The following PARD3 variants were observed in gnomAD, a reference collection of about 807,000 sequenced individuals.
PARD3 encodes par-3 family cell polarity regulator.
Under a neutral mutation model 155.4 loss-of-function variants are expected in PARD3, and 75 were observed. The ratio of observed to expected loss-of-function variants is 0.48; its 90% CI spans 0.40 to 0.58. The LOEUF (loss-of-function observed/expected upper bound fraction) is 0.58, where lower values mean the gene tolerates loss of function less well. Ranked by LOEUF, PARD3 falls within the 20% of genes least tolerant of loss-of-function variation. The pLI is 0.00. For missense variants in PARD3, 1,642 were observed against 1,721.7 expected (o/e 0.95, Z 0.82); for synonymous variants, 576 against 610.5 (o/e 0.94, Z 0.83).
intron 22 of PARD3, among the ~76,000 whole-genome samples, chr10:34,138,059 G>GC (rs1947995286): frequency 6.6e-6 from 1 of 152,172 alleles, no homozygotes; most frequent in Admixed American, 6.5e-5. Context: ...CATAGGCCCT[G>GC]CCCACAAGTG....
chr10:34,709,967 T>C (rs2094427137), intron 1 of PARD3, among the ~76,000 whole-genome samples: 1 of 151,424 alleles, frequency 6.6e-6, no homozygotes, highest in South Asian at 2.1e-4. Flanking sequence ...TCTCACACAC[T>C]GCGCCTGAGT....
At chr10:34,527,622 A>T (rs912232096) in intron 2 of PARD3, among the ~76,000 whole-genome samples, 8 of 152,234 alleles carry the variant, frequency 5.3e-5, no homozygotes, top group Non-Finnish European at 1.0e-4. Context: ...TGTTCACTTC[A>T]AGTTCTGAAT....
rs71033345 is a variant in PARD3 at position 34,741,174 on chromosome 10, A to ATTT, written c.121-44758_121-44756dup. Among the ~76,000 whole-genome samples, 399 of 114,300 alleles carry ATTT rather than the reference A, an allele frequency of 3.5e-3. 6 individuals carry two copies. Among genetic ancestry groups the ATTT allele is most frequent in the African/African-American group, 5.9e-3 (190 of 32,200 alleles). 75.0% of individuals were successfully genotyped at this position (114,300 alleles called of 152,430 possible). On this transcript the variant is annotated intron_variant, in intron 1 of 24. Transcript: ENST00000374788. Reference sequence around the variant, plus strand: ...CAACTGCTGTGTTTTCGTAAACCAAATTTTTTTTTTTTTTTTTTTTGTTTG... The same window carrying ATTT: ...CAACTGCTGTGTTTTCGTAAACCAAATTTTTTTTTTTTTTTTTTTTTTTGTTTG...
At chr10:34,462,735 G>T (rs1001771516) in intron 4 of PARD3, among the ~76,000 whole-genome samples, 3 of 151,694 alleles carry the variant, frequency 2.0e-5, no homozygotes, top group African/African-American at 7.3e-5. Context: ...GCTACTTCAT[G>T]GGCTGAGATG....
intron 14 of PARD3, among the ~76,000 whole-genome samples, chr10:34,353,290 G>C (rs1036144644): frequency 6.6e-6 from 1 of 152,204 alleles, no homozygotes; most frequent in African/African-American, 2.4e-5. Context: ...GGAAATGTGG[G>C]GAAAAGAAAG....
intron 1 of PARD3, among the ~76,000 whole-genome samples, chr10:34,790,135 C>T (rs548664904): frequency 7.7e-4 from 117 of 152,194 alleles, no homozygotes; most frequent in Middle Eastern, 3.4e-3. Flanking sequence ...TATGTGCTTT[C>T]AAAGGTGGAG....
intron 20 of PARD3, among the ~76,000 whole-genome samples, chr10:34,288,333 C>A (rs956133100): frequency 1.5e-4 from 23 of 152,220 alleles, no homozygotes; most frequent in Admixed American, 3.9e-4. Flanking sequence ...TATGTGATTT[C>A]TTTAAGGTAT....
intron 1 of PARD3, among the ~76,000 whole-genome samples, chr10:34,737,044 G>A (rs1019115490): frequency 2.0e-5 from 3 of 152,082 alleles, no homozygotes; most frequent in Admixed American, 6.6e-5. Flanking sequence ...CCCCTTTTAC[G>A]GTTGAGATGC....
intron 1 of PARD3, among the ~76,000 whole-genome samples, chr10:34,787,873 T>C (rs545514062): frequency 1.2e-4 from 18 of 151,378 alleles, no homozygotes; most frequent in African/African-American, 4.1e-4. Context: ...CTCAAACTCC[T>C]AGGCTCAAGC....
intron 1 of PARD3, among the ~76,000 whole-genome samples, chr10:34,761,949 T>C (rs1393403040): frequency 1.3e-5 from 2 of 152,062 alleles, no homozygotes; most frequent in East Asian, 1.9e-4. Flanking sequence ...CAAATACATA[T>C]ATATAAAATA....
At chr10:34,745,256 G>A (rs1359414230) in intron 1 of PARD3, among the ~76,000 whole-genome samples, 5 of 152,154 alleles carry the variant, frequency 3.3e-5, no homozygotes, top group East Asian at 1.9e-4. Context: ...CCAGATATTC[G>A]GAGGCTGAGG....
At chr10:34,167,186 T>C (rs1394234947) in intron 22 of PARD3, among the ~76,000 whole-genome samples, 2 of 152,208 alleles carry the variant, frequency 1.3e-5, no homozygotes, top group African/African-American at 4.8e-5. Flanking sequence ...ACCAACTATA[T>C]GCTGTTCACT....
chr10:34,254,368 G>T (rs1954526598), intron 22 of PARD3, among the ~76,000 whole-genome samples: 1 of 148,952 alleles, frequency 6.7e-6, no homozygotes, highest in Non-Finnish European at 1.5e-5. Context: ...GACAGAGCAA[G>T]ACTCTGTCTC....
At chr10:34,463,758 G>T (rs907635682) in intron 4 of PARD3, among the ~76,000 whole-genome samples, 1 of 152,164 alleles carries the variant, frequency 6.6e-6, no homozygotes, top group Non-Finnish European at 1.5e-5. Context: ...ATATAATGGT[G>T]ATCACATAAG....
At chr10:34,485,564 G>A (rs1186643925) in intron 3 of PARD3, among the ~76,000 whole-genome samples, 1 of 152,140 alleles carries the variant, frequency 6.6e-6, no homozygotes. Context: ...TAGATTCAGA[G>A]CTTTTTGACT....
intron 3 of PARD3, among the ~76,000 whole-genome samples, chr10:34,494,001 G>T (rs2080101964): frequency 6.6e-6 from 1 of 152,146 alleles, no homozygotes; most frequent in African/African-American, 2.4e-5. Context: ...TTACACCATG[G>T]AAATGGGAAA....
chr10:34,669,552 T>C (rs1365911416), intron 2 of PARD3, among the ~76,000 whole-genome samples: 1 of 152,166 alleles, frequency 6.6e-6, no homozygotes, highest in African/African-American at 2.4e-5. Flanking sequence ...AATATATCCA[T>C]GTAACGAAAC....
intron 22 of PARD3, among the ~76,000 whole-genome samples, chr10:34,162,166 G>C (rs1332435985): frequency 6.6e-6 from 1 of 152,138 alleles, no homozygotes; most frequent in Non-Finnish European, 1.5e-5. Flanking sequence ...CCTGCACAGG[G>C]AGTTTGCCTG....
chr10:34,744,128 C>A (rs1005598184), intron 1 of PARD3, among the ~76,000 whole-genome samples: 2 of 152,188 alleles, frequency 1.3e-5, no homozygotes, highest in Non-Finnish European at 2.9e-5. Flanking sequence ...CTCCTCACCG[C>A]CCATCTCCCT....
Sources: allele counts gnomAD v4.1 joint callset (sites outside exome capture counted in the v4.1 genomes callset), GRCh38; gene constraint gnomAD v4.1.1; transcripts MANE v1.5; gene names NCBI Gene and HGNC (gene_info 2026-07-23, HGNC 2026-07-21).